Variants in PHF3 observed in about 807,000 individuals in gnomAD.
PHF3 encodes the protein PHD finger protein 3.
PHF3 carries 41 observed loss-of-function variants against 178.4 expected under a neutral mutation model. That is an observed-to-expected ratio of 0.23 (90% CI 0.18 to 0.30). PHF3 has a LOEUF of 0.30. Ranked by LOEUF, PHF3 falls within the 10% of genes least tolerant of loss-of-function variation. The pLI, the probability that PHF3 is intolerant of heterozygous loss-of-function variation, is 1.00. For synonymous variants in PHF3, 842 were observed against 800.5 expected (o/e 1.05, Z -0.88); for missense variants, 2,346 against 2,398.1 (o/e 0.98, Z 0.45).
chr6:63,639,780 A>C (rs543064479), intron 1 of PHF3, among the ~76,000 whole-genome samples: 2 of 152,214 alleles, frequency 1.3e-5, no homozygotes, highest in Non-Finnish European at 2.9e-5. Context: ...AGGGCCTGGC[A>C]TATAGTGTGT....
In PHF3 at chr6:63,720,385, G is replaced by A. The variant is rs1768325846; in HGVS notation, c.*6677G>A. 2.1e-6 allele frequency: 1 copy of A among 478,182 alleles called. No homozygotes were observed. The highest frequency in any genetic ancestry group is 3.6e-6 in the Non-Finnish European group (1 of 274,830). 29.6% of individuals were successfully genotyped at this position (478,182 alleles called of 1,614,324 possible). ...CACTGAACTAATGGAGTTAAAACAT[G>A]AATCAAAATATATACAGATAAATTA... On this transcript the variant is annotated 3_prime_UTR_variant, in exon 16 of 16. Coordinates refer to ENST00000262043, the MANE Select transcript of PHF3 (RefSeq NM_001370348.2).
intron 12 of PHF3, 95 bp from the exon 13 acceptor site, chr6:63,706,634 C>A: frequency 1.7e-6 from 2 of 1,189,074 alleles, no homozygotes; most frequent in Non-Finnish European, 2.4e-6. Context: ...ATATTTTGGC[C>A]TTCTTCACAT....
Position 63,721,348 on chromosome 6 carries a change from T to G in PHF3, c.*7640T>G. ...GGCAAACATCTGCAAGAAAAAGTTGTGCCATTTACTGTACATTCACCTCCA... is the reference window on the plus strand; with the variant it reads ...GGCAAACATCTGCAAGAAAAAGTTGGGCCATTTACTGTACATTCACCTCCA... On this transcript the variant is annotated 3_prime_UTR_variant, in exon 16 of 16. Transcript: ENST00000262043. The G allele has an allele frequency of 6.4e-7, 1 of 1,551,946 alleles. No individual in the cohort carries two copies. Among genetic ancestry groups the G allele is most frequent in the African/African-American group, 1.4e-5 (1 of 73,160 alleles).
At chr6:63,657,634 A>C (rs963248538) in intron 2 of PHF3, among the ~76,000 whole-genome samples, 2 of 152,116 alleles carry the variant, frequency 1.3e-5, no homozygotes, top group African/African-American at 4.8e-5. Flanking sequence ...GAGGAAGAAC[A>C]GGGGCTAGTG....
At chr6:63,673,986 C>T in intron 2 of PHF3, among the ~76,000 whole-genome samples, 1 of 152,124 alleles carries the variant, frequency 6.6e-6, no homozygotes, top group East Asian at 1.9e-4. Context: ...GTAAAGCTGC[C>T]ATTCCTGGGC....
rs748324927 is a variant in PHF3, at chr6:63,706,909, A to C, written c.3711+33A>C. On this transcript the variant is annotated intron_variant, in intron 13 of 15. Coordinates refer to ENST00000262043, the MANE Select transcript of PHF3 (RefSeq NM_001370348.2). ...GAACTTTTCTGCTTTTCTGTGCATG[A>C]ATTGATAATGTGTGTTTCTGAAAGT... 7 of 1,594,594 alleles carry C rather than the reference A, an allele frequency of 4.4e-6. No individual in the cohort carries two copies. In the South Asian group the frequency reaches 7.8e-5, roughly 18 times the overall value.
rs766568971 is a variant in PHF3 at position 63,711,908 on chromosome 6, A to G, written c.4320A>G (p.Leu1440=). 1.2e-6 allele frequency: 2 copies of G among 1,614,008 alleles called. No individual in the cohort carries two copies. The highest frequency in any genetic ancestry group is 3.3e-5 in the Admixed American group (2 of 60,002). Residue 1440 remains leucine (L), a synonymous_variant, in exon 16 of 16, where the codon TTA becomes TTG. Coordinates refer to ENST00000262043, the MANE Select transcript of PHF3 (RefSeq NM_001370348.2). The part of the protein sequence containing the change: ...EVTKQEPPKP[L]RFLPGVLIGW... ...CCAAACAGGAGCCACCAAAACCTTT[A>G]AGATTTCTTCCTGGCGTGTTGATTG...
chr6:63,721,062 T>C lies in PHF3; in HGVS notation c.*7354T>C. On this transcript the variant is annotated 3_prime_UTR_variant, in exon 16 of 16. Transcript: ENST00000262043. ...CATCCATACAATTAGACCTTCTGTT[T>C]TAGTGGTACTGAAATTTAAGGATAT... 1 of 1,551,404 alleles carries C rather than the reference T, an allele frequency of 6.4e-7. No individual in the cohort carries two copies. Among genetic ancestry groups the C allele is most frequent in the Non-Finnish European group, 8.7e-7 (1 of 1,146,804 alleles).
chr6:63,673,534 C>A (rs1766016998), intron 2 of PHF3, among the ~76,000 whole-genome samples: 1 of 152,212 alleles, frequency 6.6e-6, no homozygotes, highest in Non-Finnish European at 1.5e-5. Context: ...TCACTTCTGT[C>A]AGCCTCTTGT....
chr6:63,702,585 A>T lies in PHF3; in HGVS notation c.3177A>T (p.Ile1059=). The T allele has an allele frequency of 6.2e-7, 1 of 1,613,458 alleles. No homozygotes were observed. The highest frequency in any genetic ancestry group is 1.7e-5 in the Admixed American group (1 of 60,022). The part of the protein sequence containing the change: ...PITKITHKGE[I]EIESDAPMKE... The stretch of plus-strand genomic sequence containing the variant: ...CCAAAATAACTCATAAAGGTGAAAT[A>T]GAAATTGAGAGTGATGCCCCAATGA... The change falls in exon 10 of 16, where the codon ATA becomes ATT. Residue 1059 remains isoleucine, a synonymous_variant. Transcript: ENST00000262043.
chr6:63,711,403 ATG>A (rs1373015745), intron 15 of PHF3, 41 bp downstream of exon 15: 10 of 1,499,900 alleles, frequency 6.7e-6, no homozygotes, highest in Non-Finnish European at 9.1e-6. Context: ...ATGAAATAAC[ATG>A]GGAGGTGGGA....
rs1768213967 is a variant in PHF3, at chr6:63,717,103, A to G, written c.*3395A>G. ...TAAGGCTATAGTAAATACATGTGAA[A>G]AATTTAAGAACAATAACACCAGCAA... On this transcript the variant is annotated 3_prime_UTR_variant, in exon 16 of 16. Transcript: ENST00000262043. 6.6e-6 allele frequency among the ~76,000 whole-genome samples: 1 copy of G among 152,114 alleles called. No individual in the cohort carries two copies. The highest frequency in any genetic ancestry group is 1.5e-5 in the Non-Finnish European group (1 of 68,004).
Position 63,698,319 on chromosome 6 carries a change from A to C in PHF3, c.2777A>C (p.Gln926Pro). ...TCTGCTTCCAAGCCTTCTGCAGATC[A>C]GATCAGGCAAAGTGTCAGACATTCT... Reference protein sequence around the residue: ...AASASKPSADQIRQSVRHSLK... With the variant: ...AASASKPSADPIRQSVRHSLK... The change falls in exon 7 of 16, where the codon CAG (glutamine) becomes CCG (proline). Residue 926 changes from glutamine (Q) to proline (P), a missense_variant. By Grantham distance (76) the Gln-to-Pro change is moderately conservative. Around this residue, in one of 8 missense-constraint regions of PHF3, gnomAD observed 252 missense variants for 232.0 expected, o/e 1.09. Coordinates refer to ENST00000262043, the MANE Select transcript of PHF3 (RefSeq NM_001370348.2). The C allele has an allele frequency of 6.2e-7, 1 of 1,612,834 alleles. No individual in the cohort carries two copies. Among genetic ancestry groups the C allele is most frequent in the South Asian group, 1.1e-5 (1 of 90,888 alleles).
chr6:63,697,983 G>A (rs192837589), intron 6 of PHF3, among the ~76,000 whole-genome samples: 1 of 152,204 alleles, frequency 6.6e-6, no homozygotes, highest in Admixed American at 6.5e-5. Context: ...ATATATATGT[G>A]TGGAAAAATA....
At chr6:63,656,060 A>G (rs2149550223) in intron 2 of PHF3, among the ~76,000 whole-genome samples, 1 of 152,262 alleles carries the variant, frequency 6.6e-6, no homozygotes, top group East Asian at 1.9e-4. Flanking sequence ...AAACATACAC[A>G]TCTTTTAATG....
chr6:63,676,459 A>T (rs529670611), intron 2 of PHF3, among the ~76,000 whole-genome samples: 1 of 152,372 alleles, frequency 6.6e-6, no homozygotes, highest in East Asian at 1.9e-4. Context: ...ACATGTAAGT[A>T]AAACCTGAAG....
rs546938578 is a variant in PHF3 at position 63,717,215 on chromosome 6, T to A, written c.*3507T>A. Among the ~76,000 whole-genome samples, 1 of 152,092 alleles carries A rather than the reference T, an allele frequency of 6.6e-6. No homozygotes were observed. Among genetic ancestry groups the A allele is most frequent in the Admixed American group, 6.6e-5 (1 of 15,222 alleles). Reference sequence around the variant, plus strand: ...ACTACCCGTCAACAGGTAACTTTACTCTGTTGTTCCTAAGTTTTTAATAGT... The same window carrying A: ...ACTACCCGTCAACAGGTAACTTTACACTGTTGTTCCTAAGTTTTTAATAGT... On this transcript the variant is annotated 3_prime_UTR_variant, in exon 16 of 16. Transcript: ENST00000262043.
At position 63,637,498 on chromosome 6, in the gene PHF3, A is replaced by C. The variant is rs370189455; in HGVS notation, c.-26+1348A>C. On this transcript the variant is annotated intron_variant, in intron 1 of 15. Coordinates refer to ENST00000262043, the MANE Select transcript of PHF3 (RefSeq NM_001370348.2). ...TGAATTTATAGCTCCCTTCCACAGC[A>C]CAAAAAGGTGTTGTGTAAAGATTAT... Among the ~76,000 whole-genome samples the C allele has an allele frequency of 4.6e-4, 70 of 152,374 alleles. No homozygotes were observed. In the South Asian group the frequency reaches 0.013, roughly 29 times the overall value.
chr6:63,692,097 C>G, intron 5 of PHF3, 54 bp downstream of exon 5: 1 of 1,209,272 alleles, frequency 8.3e-7, no homozygotes, highest in Non-Finnish European at 1.1e-6. Flanking sequence ...TTTGTATGGA[C>G]TGACTGCAAT....
Sources: allele counts gnomAD v4.1 joint callset (sites outside exome capture counted in the v4.1 genomes callset), GRCh38; gene constraint gnomAD v4.1.1; regional missense constraint gnomAD v4.1.1; transcripts MANE v1.5; gene names NCBI Gene and HGNC (gene_info 2026-07-23, HGNC 2026-07-21).